SCUBE3: variants seen among roughly 807,000 people sequenced by gnomAD.
SCUBE3 encodes signal peptide, CUB domain and EGF like domain containing 3.
In SCUBE3, 33 loss-of-function variants were observed where a neutral mutation model predicts 116.8. That is an observed-to-expected ratio of 0.28 (90% CI 0.21 to 0.38). The LOEUF is 0.38. SCUBE3 is among the 10% of genes least tolerant of loss of function. The pLI, the probability that SCUBE3 is intolerant of heterozygous loss-of-function variation, is 1.00. For synonymous variants in SCUBE3, 418 were observed against 496.9 expected (o/e 0.84, Z 2.11); for missense variants, 1,007 against 1,324.8 (o/e 0.76, Z 3.72).
chr6:35,237,107 G>A (rs111972111), intron 6 of SCUBE3, among the ~76,000 whole-genome samples: 3 of 152,180 alleles, frequency 2.0e-5, no homozygotes, highest in African/African-American at 7.2e-5. Context: ...TAGCTCTGAG[G>A]TTCTCTAACT....
intron 14 of SCUBE3, 43 bp downstream of exon 14, chr6:35,242,823 G>C (rs763038649): frequency 1.2e-6 from 2 of 1,601,356 alleles, no homozygotes; most frequent in Non-Finnish European, 1.7e-6. Flanking sequence ...GGAAGGGGAG[G>C]GCAGAGGTGG....
rs1357173991 is a variant in SCUBE3, at chr6:35,219,916, G to GC, written c.85+5416dup. ...GTGAATCCAAGGGCAGGCAACACCT[G>GC]CCCACTGTTGCATTGCCCACCCTTT... On this transcript the variant is annotated intron_variant, in intron 1 of 21. Transcript: ENST00000274938. The surrounding 1 kb of genome is among the most constrained non-coding windows in gnomAD (Gnocchi z 4.7). Among the ~76,000 whole-genome samples, 2 of 152,138 alleles carry GC rather than the reference G, an allele frequency of 1.3e-5. No homozygotes were observed. Among genetic ancestry groups the GC allele is most frequent in the African/African-American group, 4.8e-5 (2 of 41,410 alleles).
At position 35,247,934 on chromosome 6, in the gene SCUBE3, G is replaced by A. The variant is rs187138187; in HGVS notation, c.2833-622G>A. Among the ~76,000 whole-genome samples the A allele has an allele frequency of 1.8e-3, 273 of 152,350 alleles. 2 individuals carry two copies. The highest frequency in any genetic ancestry group is 2.7e-3 in the Non-Finnish European group (187 of 68,038). On this transcript the variant is annotated intron_variant, in intron 21 of 21. Transcript: ENST00000274938. ...AAGGGCTCCCCATTAGAAGATGAGG[G>A]AGGAGCATTCCAAGCTAAGGAGCAT...
Position 35,249,555 on chromosome 6 carries a change from A to G in SCUBE3, c.*850A>G, listed in dbSNP as rs1415859587. The G allele has an allele frequency of 6.6e-6, 1 of 152,310 alleles. No individual in the cohort carries two copies. The highest frequency in any genetic ancestry group is 1.5e-5 in the Non-Finnish European group (1 of 68,084). The allele number at this position is 152,310 out of a possible 1,614,324, so 9.4% of individuals were successfully genotyped here. A position where few individuals can be genotyped will look rare whatever the true frequency, so the allele number is the denominator to read the frequency against. ...AAGGACTAGACACAGAACAATTGGA[A>G]GTCAACTTCAAACACTAATCCCTTT... is the stretch of plus-strand genomic sequence containing the variant. On this transcript the variant is annotated 3_prime_UTR_variant, in exon 22 of 22. Transcript: ENST00000274938.
In SCUBE3 at chr6:35,249,320, T is replaced by A. The variant is rs1784471927; in HGVS notation, c.*615T>A. The stretch of plus-strand genomic sequence containing the variant: ...CAGATCCTCTCTTTCTTTCCCTACG[T>A]CTGCCTGGGGTCTACTCCATAAGGG... On this transcript the variant is annotated 3_prime_UTR_variant, in exon 22 of 22. Transcript: ENST00000274938. The A allele has an allele frequency of 6.5e-6, 1 of 152,786 alleles. No homozygotes were observed. Among genetic ancestry groups the A allele is most frequent in the Non-Finnish European group, 1.5e-5 (1 of 68,242 alleles). The allele number at this position is 152,786 out of a possible 1,614,324, so 9.5% of individuals were successfully genotyped here.
intron 6 of SCUBE3, among the ~76,000 whole-genome samples, chr6:35,236,536 A>T (rs1019492017): frequency 2.0e-5 from 3 of 152,180 alleles, no homozygotes; most frequent in African/African-American, 7.2e-5. Context: ...CTCAGGAGAG[A>T]CTAAAGTGGA....
chr6:35,241,240 T>A lies in SCUBE3; in HGVS notation c.1169T>A (p.Leu390Gln). Residue 390 changes from leucine (L) to glutamine (Q), a missense_variant, in exon 10 of 22, where the codon CTG (leucine) becomes CAG (glutamine). Leu to Gln is a moderately radical substitution (Grantham distance 113, BLOSUM62 -2). This residue lies in a region of SCUBE3 where 544 missense variants were observed against 638.9 expected (regional missense o/e 0.85). Transcript: ENST00000274938. The surrounding 1 kb of genome is among the most constrained non-coding windows in gnomAD (Gnocchi z 4.1). ...ACCTGCCCAGCAGGCCAGGGTCGGCTGCACTGGAATGGCAAAGATTGCACA... is the reference window on the plus strand; with the variant it reads ...ACCTGCCCAGCAGGCCAGGGTCGGCAGCACTGGAATGGCAAAGATTGCACA... ...QCTCPAGQGR[L>Q]HWNGKDCTEP... 1 of 1,598,954 alleles carries A rather than the reference T, an allele frequency of 6.3e-7. No homozygotes were observed.
In SCUBE3 at chr6:35,235,506, G is replaced by A; in HGVS notation, c.712+2205G>A. On this transcript the variant is annotated intron_variant, in intron 6 of 21. Coordinates refer to ENST00000274938, the MANE Select transcript of SCUBE3 (RefSeq NM_152753.4). The surrounding 1 kb of genome is among the most constrained non-coding windows in gnomAD (Gnocchi z 4.5). Reference sequence around the variant, plus strand: ...GCCGTTTCTAATGGTAAATATGTCTGCTCTCTCCGCTTGCTCTCACTGGCT... The same window carrying A: ...GCCGTTTCTAATGGTAAATATGTCTACTCTCTCCGCTTGCTCTCACTGGCT... 7.9e-7 allele frequency: 1 copy of A among 1,270,330 alleles called. No homozygotes were observed. Among genetic ancestry groups the A allele is most frequent in the Non-Finnish European group, 1.0e-6 (1 of 971,054 alleles). The allele number at this position is 1,270,330 out of a possible 1,614,324, so 78.7% of individuals were successfully genotyped here.
At chr6:35,236,155 A>G (rs1783762223) in intron 6 of SCUBE3, among the ~76,000 whole-genome samples, 1 of 152,206 alleles carries the variant, frequency 6.6e-6, no homozygotes, top group African/African-American at 2.4e-5. Flanking sequence ...TAGAGCATCT[A>G]CCTGGCAAGT....
intron 1 of SCUBE3, among the ~76,000 whole-genome samples, chr6:35,216,946 C>G (rs1782917579): frequency 6.6e-6 from 1 of 151,708 alleles, no homozygotes; most frequent in Non-Finnish European, 1.5e-5. Context: ...AGAGGTTCAC[C>G]ACAGTTACCC....
rs1477823565 is a variant in SCUBE3 at position 35,242,753 on chromosome 6, G to T, written c.1666G>T (p.Ala556Ser). Residue 556 changes from alanine (A) to serine (S), a missense_variant, in exon 14 of 22, where the codon GCA becomes TCA. This residue lies in a region of SCUBE3 where 544 missense variants were observed against 638.9 expected (regional missense o/e 0.85). Transcript: ENST00000274938. Reference protein sequence around the residue: ...EVTRLTLELEAEVRAEETTAS... With the variant: ...EVTRLTLELESEVRAEETTAS... ...CACAAGGCTCACCCTGGAACTGGAG[G>T]CAGAGGTCAGAGCCGAAGAAACCAC... 1 of 1,613,864 alleles carries T rather than the reference G, an allele frequency of 6.2e-7. No homozygotes were observed. The highest frequency in any genetic ancestry group is 8.5e-7 in the Non-Finnish European group (1 of 1,179,858).
rs1043477027 is a variant in SCUBE3, at chr6:35,248,882, C to T, written c.*177C>T. 2.6e-5 allele frequency: 16 copies of T among 603,976 alleles called. No individual in the cohort carries two copies. Among genetic ancestry groups the T allele is most frequent in the African/African-American group, 2.0e-4 (11 of 53,886 alleles). The allele number at this position is 603,976 out of a possible 1,614,324, so 37.4% of individuals were successfully genotyped here. A position where few individuals can be genotyped will look rare whatever the true frequency, so the allele number is the denominator to read the frequency against. On this transcript the variant is annotated 3_prime_UTR_variant, in exon 22 of 22. Transcript: ENST00000274938. ...TGTCTTTCTAGTTTCCTTTCCTTGT[C>T]TCTCTCTGCCTGCCTCTCTACTGTT...
chr6:35,239,494 C>T lies in SCUBE3; in HGVS notation c.830-258C>T, dbSNP rs1394457333. Among the ~76,000 whole-genome samples, 1 of 152,118 alleles carries T rather than the reference C, an allele frequency of 6.6e-6. No individual in the cohort carries two copies. Among genetic ancestry groups the T allele is most frequent in the Non-Finnish European group, 1.5e-5 (1 of 68,032 alleles). On this transcript the variant is annotated intron_variant, in intron 7 of 21. Transcript: ENST00000274938. The surrounding 1 kb of genome is among the most constrained non-coding windows in gnomAD (Gnocchi z 4.1). ...TTCCTAGTTTTGGTTCCAATTTGTC[C>T]CCTTATAAGAACACTCAATCCCAGA... is the stretch of plus-strand genomic sequence containing the variant.
chr6:35,242,072 T>TA, intron 12 of SCUBE3, 132 bp from the exon 13 acceptor site: 1 of 843,242 alleles, frequency 1.2e-6, no homozygotes, highest in Non-Finnish European at 2.0e-6. Flanking sequence ...TAACATCTGA[T>TA]CCCCTTGACT....
In SCUBE3 at chr6:35,243,477, C is replaced by A; in HGVS notation, c.1910-117C>A. 1 of 1,066,194 alleles carries A rather than the reference C, an allele frequency of 9.4e-7. No homozygotes were observed. 66.0% of individuals were successfully genotyped at this position (1,066,194 alleles called of 1,614,324 possible). ...CCCCCCAAGTAGGATTGTGTTTGTT[C>A]CCTGACAGAGATTCTCCCTGAATCG... On this transcript the variant is annotated intron_variant, in intron 15 of 21. Coordinates refer to ENST00000274938, the MANE Select transcript of SCUBE3 (RefSeq NM_152753.4). This position sits in a 1 kb window ranked among gnomAD's most constrained non-coding sequence, Gnocchi z 6.6.
At position 35,235,064 on chromosome 6, in the gene SCUBE3, C is replaced by T. The variant is rs986810286; in HGVS notation, c.712+1763C>T. Among the ~76,000 whole-genome samples the T allele has an allele frequency of 9.2e-5, 14 of 152,146 alleles. No individual in the cohort carries two copies. The highest frequency in any genetic ancestry group is 3.1e-4 in the African/African-American group (13 of 41,416). ...CTGGGGCCGTCAGGACATTCAGATT[C>T]GGTGGGAAGACTGAGAAGGCAGTAT... is the stretch of plus-strand genomic sequence containing the variant. On this transcript the variant is annotated intron_variant, in intron 6 of 21. Coordinates refer to ENST00000274938, the MANE Select transcript of SCUBE3 (RefSeq NM_152753.4). This position sits in a 1 kb window ranked among gnomAD's most constrained non-coding sequence, Gnocchi z 4.5.
Position 35,233,154 on chromosome 6 carries a change from G to A in SCUBE3, c.596-31G>A. 1 of 1,561,462 alleles carries A rather than the reference G, an allele frequency of 6.4e-7. No homozygotes were observed. Among genetic ancestry groups the A allele is most frequent in the Non-Finnish European group, 8.8e-7 (1 of 1,133,514 alleles). On this transcript the variant is annotated intron_variant, in intron 5 of 21. Transcript: ENST00000274938. The surrounding 1 kb of genome is among the most constrained non-coding windows in gnomAD (Gnocchi z 5.7). Reference sequence around the variant, plus strand: ...AAACTGTGGATGCAGGGAGGAGCAAGCTGACAGGGCCCTGTCCTCTCTGTG... The same window carrying A: ...AAACTGTGGATGCAGGGAGGAGCAAACTGACAGGGCCCTGTCCTCTCTGTG...
At position 35,233,768 on chromosome 6, in the gene SCUBE3, A is replaced by G. The variant is rs1005146719; in HGVS notation, c.712+467A>G. ...GTGGGACAGAGTGCTCCTTCCTGGA[A>G]CAACCATCCCTGAACTGACTGACAG... On this transcript the variant is annotated intron_variant, in intron 6 of 21. Coordinates refer to ENST00000274938, the MANE Select transcript of SCUBE3 (RefSeq NM_152753.4). This position sits in a 1 kb window ranked among gnomAD's most constrained non-coding sequence, Gnocchi z 5.7. Among the ~76,000 whole-genome samples the G allele has an allele frequency of 1.3e-5, 2 of 152,156 alleles. No homozygotes were observed. Among genetic ancestry groups the G allele is most frequent in the African/African-American group, 4.8e-5 (2 of 41,424 alleles).
Position 35,245,159 on chromosome 6 carries a change from T to C in SCUBE3, c.2402-69T>C. 2.1e-6 allele frequency: 3 copies of C among 1,412,684 alleles called. No homozygotes were observed. Among genetic ancestry groups the C allele is most frequent in the South Asian group, 2.3e-5 (2 of 85,424 alleles). The allele number at this position is 1,412,684 out of a possible 1,614,324, so 87.5% of individuals were successfully genotyped here. ...TGACCTCTACTTCAGAACTCTTCAA[T>C]TCCCCCAGCACACTTCCCCACTGAC... On this transcript the variant is annotated intron_variant, in intron 18 of 21. Transcript: ENST00000274938. The surrounding 1 kb of genome is among the most constrained non-coding windows in gnomAD (Gnocchi z 4.2).
Sources: gnomAD v4.1 joint callset for allele counts (sites outside exome capture counted in the v4.1 genomes callset) on GRCh38, gnomAD v4.1.1 for gene constraint, gnomAD v4.1.1 regional missense constraint, Gnocchi (gnomAD v3.1) non-coding constraint, MANE v1.5 for transcripts, NCBI Gene and HGNC (gene_info 2026-07-23, HGNC 2026-07-21) for gene names.